Variants in RAPGEF6 observed in about 807,000 individuals in gnomAD.
RAPGEF6 encodes PDZ domain containing guanine nucleotide exchange factor (GEF) 2.
RAPGEF6 carries 56 observed loss-of-function variants against 171.4 expected under a neutral mutation model. The ratio of observed to expected loss-of-function variants is 0.33; its 90% CI spans 0.26 to 0.41. The LOEUF (loss-of-function observed/expected upper bound fraction) is 0.41, where lower values mean the gene tolerates loss of function less well. Among genes scored for constraint, RAPGEF6 ranks in the 10% least tolerant of loss-of-function variants. RAPGEF6 has a pLI of 1.00. For synonymous variants in RAPGEF6, 692 were observed against 650.1 expected (o/e 1.06, Z -0.98); for missense variants, 1,674 against 1,921.4 (o/e 0.87, Z 2.41).
chr5:131,440,369 G>C (rs1489259950), intron 23 of RAPGEF6: 1 of 370,602 alleles, frequency 2.7e-6, no homozygotes, highest in African/African-American at 2.2e-5. Flanking sequence ...ACTTAGCAAT[G>C]CTTTCAATAT....
rs1300812937 is a variant in RAPGEF6, at chr5:131,425,778, G to C, written c.*1488C>G. 6.6e-6 allele frequency: 1 copy of C among 151,684 alleles called. No homozygotes were observed. The highest frequency in any genetic ancestry group is 2.4e-5 in the African/African-American group (1 of 41,246). The allele number at this position is 151,684 out of a possible 1,614,324, so 9.4% of individuals were successfully genotyped here. A position where few individuals can be genotyped will look rare whatever the true frequency, so the allele number is the denominator to read the frequency against. On this transcript the variant is annotated 3_prime_UTR_variant, in exon 28 of 28. Coordinates refer to ENST00000509018, the MANE Select transcript of RAPGEF6 (RefSeq NM_016340.6). ...GGAAAGACAACACATTTCTATAAAG[G>C]AGGCCACAAACCAACTAAATCCTAT...
chr5:131,472,775 G>A (rs779021433), intron 16 of RAPGEF6, 31 bp from the exon 17 acceptor site: 2 of 1,560,018 alleles, frequency 1.3e-6, no homozygotes, highest in Non-Finnish European at 1.8e-6. Flanking sequence ...TCACTTTAAA[G>A]TATTTGAGAG....
rs182320126 is a variant in RAPGEF6 at position 131,573,862 on chromosome 5, T to C, written c.282-11815A>G. On this transcript the variant is annotated intron_variant, in intron 4 of 27. Coordinates refer to ENST00000509018, the MANE Select transcript of RAPGEF6 (RefSeq NM_016340.6). Reference sequence around the variant, plus strand: ...GGCCAGAAGGCCACCTTATCCTTAATATGCATTTTATCACCCAATCCACTC... The same window carrying C: ...GGCCAGAAGGCCACCTTATCCTTAACATGCATTTTATCACCCAATCCACTC... Among the ~76,000 whole-genome samples the C allele has an allele frequency of 2.1e-3, 317 of 152,226 alleles. 2 individuals are homozygous for C. The highest frequency in any genetic ancestry group is 7.3e-3 in the African/African-American group (305 of 41,534).
chr5:131,508,824 T>C (rs554402910), intron 8 of RAPGEF6, among the ~76,000 whole-genome samples: 81 of 152,324 alleles, frequency 5.3e-4, no homozygotes, highest in African/African-American at 1.7e-3. Context: ...TATATATCCA[T>C]AGGACATAGG....
chr5:131,585,284 A>C (rs533586547), intron 4 of RAPGEF6, among the ~76,000 whole-genome samples: 2 of 139,624 alleles, frequency 1.4e-5, no homozygotes, highest in East Asian at 4.2e-4. Context: ...AGAAAAAAAA[A>C]AAACTATACA....
intron 3 of RAPGEF6, among the ~76,000 whole-genome samples, chr5:131,600,002 T>C (rs1288823746): frequency 1.3e-5 from 2 of 150,912 alleles, no homozygotes. Flanking sequence ...GTTTTGGTAC[T>C]GTTTTAAAGA....
chr5:131,532,599 A>G (rs1181737997), intron 6 of RAPGEF6, among the ~76,000 whole-genome samples: 1 of 152,118 alleles, frequency 6.6e-6, no homozygotes, highest in Non-Finnish European at 1.5e-5. Context: ...CACTGCAGTG[A>G]TTCTTCTGCA....
chr5:131,613,607 A>G (rs956024668), intron 1 of RAPGEF6, among the ~76,000 whole-genome samples: 1 of 152,178 alleles, frequency 6.6e-6, no homozygotes, highest in Non-Finnish European at 1.5e-5. Flanking sequence ...GACAACAGGT[A>G]AATGAATGGG....
At chr5:131,617,689 T>C (rs1008020861) in intron 1 of RAPGEF6, among the ~76,000 whole-genome samples, 15 of 152,244 alleles carry the variant, frequency 9.9e-5, no homozygotes, top group Middle Eastern at 3.4e-3. Flanking sequence ...AGGTCAAGAG[T>C]TCGAGACAAG....
chr5:131,436,687 T>C (rs1368595031), intron 24 of RAPGEF6, among the ~76,000 whole-genome samples: 1 of 151,870 alleles, frequency 6.6e-6, no homozygotes, highest in Non-Finnish European at 1.5e-5. Context: ...TAAGGAAAAA[T>C]ATGACAAAAA....
chr5:131,452,827 T>C (rs1337662250), intron 21 of RAPGEF6, among the ~76,000 whole-genome samples: 2 of 152,194 alleles, frequency 1.3e-5, no homozygotes, highest in African/African-American at 4.8e-5. Flanking sequence ...GCAAATTATG[T>C]AAAAACTGCT....
chr5:131,594,737 C>G (rs929843986), intron 3 of RAPGEF6, among the ~76,000 whole-genome samples: 1 of 152,168 alleles, frequency 6.6e-6, no homozygotes, highest in African/African-American at 2.4e-5. Context: ...TCAGGGTGCC[C>G]TGGATGTGAG....
rs181804794 is a variant in RAPGEF6 at position 131,625,823 on chromosome 5, A to C, written c.69+9139T>G. On this transcript the variant is annotated intron_variant, in intron 1 of 27. Coordinates refer to ENST00000509018, the MANE Select transcript of RAPGEF6 (RefSeq NM_016340.6). ...AGAGACTCCGTCTCAAAAAAAAAAA[A>C]AAAACCATACTTCTTGGTTTCCATA... Among the ~76,000 whole-genome samples the C allele has an allele frequency of 3.2e-3, 489 of 152,118 alleles. 4 individuals carry two copies. The highest frequency in any genetic ancestry group is 0.011 in the African/African-American group (465 of 41,534).
At chr5:131,516,841 C>T (rs1277275708) in intron 7 of RAPGEF6, among the ~76,000 whole-genome samples, 2 of 152,062 alleles carry the variant, frequency 1.3e-5, no homozygotes, top group African/African-American at 4.8e-5. Flanking sequence ...ATTGATTTGC[C>T]TTTTTTTCCC....
At chr5:131,613,826 A>G (rs1243839116) in intron 1 of RAPGEF6, among the ~76,000 whole-genome samples, 1 of 152,178 alleles carries the variant, frequency 6.6e-6, no homozygotes, top group Non-Finnish European at 1.5e-5. Context: ...CCTCCCATAC[A>G]ACAAAGGCAG....
intron 4 of RAPGEF6, among the ~76,000 whole-genome samples, chr5:131,574,257 C>A (rs2149983091): frequency 6.6e-6 from 1 of 152,280 alleles, no homozygotes. Flanking sequence ...CACATCGCCG[C>A]TGCTCCTAAA....
intron 24 of RAPGEF6, among the ~76,000 whole-genome samples, chr5:131,434,122 G>A (rs1751879872): frequency 6.6e-6 from 1 of 152,146 alleles, no homozygotes; most frequent in African/African-American, 2.4e-5. Context: ...GGGTAGGGGT[G>A]GGAGTCCAGG....
intron 16 of RAPGEF6, among the ~76,000 whole-genome samples, chr5:131,475,382 G>A (rs1278126515): frequency 1.3e-5 from 2 of 151,946 alleles, no homozygotes; most frequent in African/African-American, 4.8e-5. Flanking sequence ...AATTTACTTA[G>A]GATAAAAGTA....
intron 26 of RAPGEF6, 150 bp from the exon 27 acceptor site, chr5:131,429,366 T>G (rs767108742): frequency 3.0e-5 from 21 of 702,790 alleles, no homozygotes; most frequent in African/African-American, 1.8e-5. Context: ...AAACATTTTT[T>G]AAAAGTTTAA....
Sources: allele counts gnomAD v4.1 joint callset (sites outside exome capture counted in the v4.1 genomes callset), GRCh38; gene constraint gnomAD v4.1.1; transcripts MANE v1.5; gene names NCBI Gene and HGNC (gene_info 2026-07-23, HGNC 2026-07-21).